The following INO80 variants were observed in gnomAD, a reference collection of about 807,000 sequenced individuals.
INO80 encodes the protein INO80 complex ATPase subunit, also known as chromatin-remodeling ATPase INO80.
A neutral mutation model predicts 203.4 loss-of-function variants in INO80; 20 were observed. The ratio of observed to expected loss-of-function variants is 0.10; its 90% CI spans 0.07 to 0.14. The LOEUF is 0.14. Ranked by LOEUF, INO80 falls within the 10% of genes least tolerant of loss-of-function variation. INO80 has a pLI of 1.00. For synonymous variants in INO80, 726 were observed against 685.2 expected, an observed-to-expected ratio of 1.06 and a Z score of -0.93; for missense variants, 1,419 against 1,914.4, an observed-to-expected ratio of 0.74 and a Z score of 4.83.
At chr15:40,998,983 T>TACACACACACACAC (rs10650860) in intron 28 of INO80, among the ~76,000 whole-genome samples, 4,049 of 140,340 alleles carry the variant, frequency 0.029, 90 homozygotes, top group East Asian at 0.046. Context: ...AAGATTTATC[T>TACACACACACACAC]ACACACACAC....
At chr15:41,034,708 T>C (rs1007469017) in intron 24 of INO80, among the ~76,000 whole-genome samples, 1 of 152,184 alleles carries the variant, frequency 6.6e-6, no homozygotes, top group Non-Finnish European at 1.5e-5. Flanking sequence ...AAAAGAATGA[T>C]GAGACCCCTT....
chr15:41,037,942 CA>C (rs529520560), intron 24 of INO80, among the ~76,000 whole-genome samples: 5 of 136,922 alleles, frequency 3.7e-5, no homozygotes, highest in African/African-American at 1.1e-4. Flanking sequence ...GACTCTGTCT[CA>C]AAAAAAAAGT....
intron 24 of INO80, among the ~76,000 whole-genome samples, chr15:41,029,069 A>G (rs796300240): frequency 3.0e-4 from 45 of 152,370 alleles, no homozygotes; most frequent in African/African-American, 1.0e-3. Flanking sequence ...TGATATCTCA[A>G]TAAGGCAGGT....
At chr15:41,104,206 C>CAAAAA (rs35510472) in intron 1 of INO80, among the ~76,000 whole-genome samples, 8 of 41,434 alleles carry the variant, frequency 1.9e-4, no homozygotes, top group East Asian at 1.9e-3. Flanking sequence ...AACTCCATCT[C>CAAAAA]AAAAAAAAAA....
At chr15:41,107,102 G>A (rs1008294094) in intron 1 of INO80, among the ~76,000 whole-genome samples, 1 of 152,202 alleles carries the variant, frequency 6.6e-6, no homozygotes, top group Non-Finnish European at 1.5e-5. Context: ...TAGCAAGGTT[G>A]TTTCACACAT....
At position 41,027,644 on chromosome 15, in the gene INO80, G is replaced by A; in HGVS notation, c.3000C>T (p.Arg1000=). The change falls in exon 25 of 36, where the codon CGC becomes CGT. Residue 1000 remains arginine, a synonymous_variant. Transcript: ENST00000648947. Reference sequence around the variant, plus strand: ...AAGATGGCAGCTCAGTGAGCAGGCAGCGACGCAGCGAGGAGGTAGCTGATC... The same window carrying A: ...AAGATGGCAGCTCAGTGAGCAGGCAACGACGCAGCGAGGAGGTAGCTGATC... ...QRRSATSSLR[R]CLLTELPSFL... 1 of 1,613,998 alleles carries A rather than the reference G, an allele frequency of 6.2e-7. No homozygotes were observed. Among genetic ancestry groups the A allele is most frequent in the Non-Finnish European group, 8.5e-7 (1 of 1,179,944 alleles).
intron 9 of INO80, among the ~76,000 whole-genome samples, chr15:41,079,297 G>A (rs1049385971): frequency 2.6e-5 from 4 of 152,002 alleles, no homozygotes; most frequent in Non-Finnish European, 4.4e-5. Flanking sequence ...AAACCAAGAT[G>A]AATTAAAAGC....
chr15:41,033,268 C>T (rs1467477044), intron 24 of INO80, among the ~76,000 whole-genome samples: 1 of 151,838 alleles, frequency 6.6e-6, no homozygotes, highest in African/African-American at 2.4e-5. Context: ...ACGACAGGCT[C>T]TCTTTTTTGT....
chr15:41,033,590 GA>G (rs1414724720), intron 24 of INO80, among the ~76,000 whole-genome samples: 1 of 152,120 alleles, frequency 6.6e-6, no homozygotes, highest in Non-Finnish European at 1.5e-5. Context: ...GAAGGTGTGC[GA>G]AAGTTCTGAC....
At chr15:41,070,277 A>G (rs2140590610) in intron 13 of INO80, among the ~76,000 whole-genome samples, 190 bp downstream of exon 13, 1 of 152,350 alleles carries the variant, frequency 6.6e-6, no homozygotes, top group South Asian at 2.1e-4. Flanking sequence ...ATGCTCAAAA[A>G]TTGTCCTAGC....
rs773794741 is a variant in INO80 at position 40,980,387 on chromosome 15, C to T, written c.4507G>A (p.Ala1503Thr). 2 of 1,613,888 alleles carry T rather than the reference C, an allele frequency of 1.2e-6. No homozygotes were observed. The highest frequency in any genetic ancestry group is 1.7e-6 in the Non-Finnish European group (2 of 1,180,000). The change falls in exon 36 of 36, where the codon GCT becomes ACT. Residue 1503 changes from alanine (A) to threonine (T), a missense_variant. By Grantham distance (58) the Ala-to-Thr change is moderately conservative. Coordinates refer to ENST00000648947, the MANE Select transcript of INO80 (RefSeq NM_017553.3). The stretch of plus-strand genomic sequence containing the variant: ...GAGGCGCTTGAAGGTCCAAAGTCAG[C>T]AAGGCCAGCAGGCCGAACAAGGGAT... Reference protein sequence around the residue: ...QTSLVRPAGLADFGPSSASSP... With the variant: ...QTSLVRPAGLTDFGPSSASSP...
intron 24 of INO80, among the ~76,000 whole-genome samples, chr15:41,036,156 G>GAA (rs369185302): frequency 0.083 from 2,641 of 31,940 alleles, 605 homozygotes; most frequent in Non-Finnish European, 0.099. Flanking sequence ...ACTCTCTCTC[G>GAA]AAAAAAAAAA....
chr15:41,020,047 C>T (rs1045184846), intron 26 of INO80, among the ~76,000 whole-genome samples: 10 of 152,072 alleles, frequency 6.6e-5, no homozygotes, highest in African/African-American at 2.4e-4. Flanking sequence ...TAGTGAAACC[C>T]CATGTCTACT....
At chr15:41,026,763 C>G (rs928478961) in intron 25 of INO80, among the ~76,000 whole-genome samples, 4 of 152,162 alleles carry the variant, frequency 2.6e-5, no homozygotes, top group African/African-American at 9.7e-5. Flanking sequence ...ACCACAGAAC[C>G]TGGCCACAGT....
Position 40,984,280 on chromosome 15 carries a change from A to G in INO80, c.3994T>C (p.Ser1332Pro). 6.2e-7 allele frequency: 1 copy of G among 1,614,128 alleles called. No homozygotes were observed. The highest frequency in any genetic ancestry group is 8.5e-7 in the Non-Finnish European group (1 of 1,179,980). Residue 1332 changes from serine (S) to proline (P), a missense_variant, in exon 33 of 36, where the codon TCG becomes CCG. By Grantham distance (74) the Ser-to-Pro change is moderately conservative. Transcript: ENST00000648947. Reference protein sequence around the residue: ...GVNLVIPFVPSADNSNLSADG... With the variant: ...GVNLVIPFVPPADNSNLSADG... ...GCAGAGAGGTTGGAGTTATCAGCCGAGGGAACAAATGGGATCACCAGGTTC... is the reference window on the plus strand; with the variant it reads ...GCAGAGAGGTTGGAGTTATCAGCCGGGGGAACAAATGGGATCACCAGGTTC...
chr15:41,074,698 T>A, intron 9 of INO80, 133 bp from the exon 10 acceptor site: 1 of 619,820 alleles, frequency 1.6e-6, no homozygotes, highest in Non-Finnish European at 2.7e-6. Context: ...ACATCACTGA[T>A]AAACAATTTT....
chr15:41,112,148 C>T (rs981644155), intron 1 of INO80, among the ~76,000 whole-genome samples: 2 of 152,170 alleles, frequency 1.3e-5, no homozygotes, highest in African/African-American at 4.8e-5. Context: ...GTGATCCTCC[C>T]TCCTCTGCCT....
At position 40,979,121 on chromosome 15, in the gene INO80, A is replaced by G. The variant is rs1010107478; in HGVS notation, c.*1102T>C. ...ATTCCCCTATACCCCCTACTCCAAA[A>G]AAGTTTTAAAAATCAATCTATCGAA... On this transcript the variant is annotated 3_prime_UTR_variant, in exon 36 of 36. Coordinates refer to ENST00000648947, the MANE Select transcript of INO80 (RefSeq NM_017553.3). 8 of 152,712 alleles carry G rather than the reference A, an allele frequency of 5.2e-5. No homozygotes were observed. The East Asian group carries it at 1.4e-3, about 26-fold the overall frequency. The allele number at this position is 152,712 out of a possible 1,614,324, so 9.5% of individuals were successfully genotyped here.
chr15:41,051,207 C>A (rs1041771260), intron 19 of INO80, among the ~76,000 whole-genome samples: 24 of 150,800 alleles, frequency 1.6e-4, no homozygotes, highest in African/African-American at 5.9e-4. Context: ...AACCTCCTCA[C>A]ATACCACTTA....
Sources: gnomAD v4.1 joint callset for allele counts (sites outside exome capture counted in the v4.1 genomes callset) on GRCh38, gnomAD v4.1.1 for gene constraint, MANE v1.5 for transcripts, NCBI Gene and HGNC (gene_info 2026-07-23, HGNC 2026-07-21) for gene names.